NCKAP5: variants seen among roughly 807,000 people sequenced by gnomAD.
NCKAP5 encodes NCK associated protein 5.
Under a neutral mutation model 167.0 loss-of-function variants are expected in NCKAP5, and 92 were observed. The ratio of observed to expected loss-of-function variants is 0.55; its 90% CI spans 0.47 to 0.66. NCKAP5 has a LOEUF of 0.66. NCKAP5 is among the 30% of genes least tolerant of loss of function. The pLI is 0.00. For synonymous variants in NCKAP5, 891 were observed against 877.4 expected (o/e 1.02, Z -0.27); for missense variants, 2,378 against 2,315.0 (o/e 1.03, Z -0.56).
intron 4 of NCKAP5, among the ~76,000 whole-genome samples, chr2:133,248,685 A>C (rs2088136658): frequency 6.6e-6 from 1 of 152,234 alleles, no homozygotes; most frequent in African/African-American, 2.4e-5. Context: ...GCTGCACTGC[A>C]GCTTTTAAAT....
intron 7 of NCKAP5, among the ~76,000 whole-genome samples, chr2:132,983,150 T>G (rs1401589420): frequency 6.6e-6 from 1 of 152,194 alleles, no homozygotes; most frequent in Non-Finnish European, 1.5e-5. Context: ...TTTTTGTACA[T>G]TGATTTCATA....
At chr2:133,303,610 C>T (rs1680562479) in intron 3 of NCKAP5, among the ~76,000 whole-genome samples, 1 of 151,996 alleles carries the variant, frequency 6.6e-6, no homozygotes, top group Non-Finnish European at 1.5e-5. Flanking sequence ...TTTTCTTCAA[C>T]TCCATATATA....
intron 5 of NCKAP5, among the ~76,000 whole-genome samples, chr2:133,160,228 G>A (rs1249165789): frequency 6.6e-6 from 1 of 152,050 alleles, no homozygotes; most frequent in East Asian, 1.9e-4. Context: ...AGTAGGGAAG[G>A]ATCTGCTCCA....
chr2:133,562,174 G>A (rs1036899969), intron 1 of NCKAP5, among the ~76,000 whole-genome samples: 1 of 151,748 alleles, frequency 6.6e-6, no homozygotes, highest in Non-Finnish European at 1.5e-5. Context: ...AAATGGGGTA[G>A]AGAGGGTGGC....
intron 6 of NCKAP5, among the ~76,000 whole-genome samples, chr2:133,042,603 A>G (rs2079251710): frequency 6.6e-6 from 1 of 152,212 alleles, no homozygotes; most frequent in Non-Finnish European, 1.5e-5. Flanking sequence ...CAAAATTTGT[A>G]TTCATAATAG....
chr2:132,728,155 C>T (rs1218722888), intron 18 of NCKAP5, among the ~76,000 whole-genome samples: 1 of 152,064 alleles, frequency 6.6e-6, no homozygotes, highest in Non-Finnish European at 1.5e-5. Context: ...GGTGAAATGG[C>T]AAATAGGCTG....
intron 3 of NCKAP5, among the ~76,000 whole-genome samples, chr2:133,393,818 T>C (rs78227229): frequency 0.036 from 5,478 of 152,280 alleles, 312 homozygotes; most frequent in African/African-American, 0.12. Flanking sequence ...CTTGGTGCCA[T>C]ATGTATTAGG....
intron 8 of NCKAP5, among the ~76,000 whole-genome samples, chr2:132,895,205 C>T (rs914753960): frequency 1.3e-5 from 2 of 151,758 alleles, no homozygotes; most frequent in Non-Finnish European, 2.9e-5. Context: ...GTGGCGGGCG[C>T]CTGTAGTCCC....
the NCKAP5 span, among the ~76,000 whole-genome samples, chr2:133,600,170 G>A: frequency 3.3e-5 from 5 of 152,238 alleles, no homozygotes; most frequent in East Asian, 1.9e-4. Flanking sequence ...GTTTGCCATC[G>A]TTGAATAACA....
the NCKAP5 span, among the ~76,000 whole-genome samples, chr2:133,615,227 A>G: frequency 6.6e-6 from 1 of 152,170 alleles, no homozygotes; most frequent in Non-Finnish European, 1.5e-5. Flanking sequence ...GAGGTTAGGA[A>G]GAAACTGCAT....
the NCKAP5 span, among the ~76,000 whole-genome samples, chr2:133,615,930 A>G: frequency 2.0e-4 from 31 of 151,478 alleles, no homozygotes; most frequent in Middle Eastern, 6.8e-3. Context: ...ATGTAAAAGA[A>G]CAGAAATTAT....
intron 3 of NCKAP5, among the ~76,000 whole-genome samples, chr2:133,471,366 A>C (rs114388504): frequency 4.6e-4 from 64 of 140,644 alleles, no homozygotes; most frequent in Non-Finnish European, 6.9e-4. Flanking sequence ...TGCCACTAGC[A>C]ACTTGTCTTT....
At chr2:132,789,370 G>A (rs1012379646) in intron 13 of NCKAP5, among the ~76,000 whole-genome samples, 3 of 152,172 alleles carry the variant, frequency 2.0e-5, no homozygotes, top group Admixed American at 6.5e-5. Flanking sequence ...TGCATTGGAA[G>A]TCTGAGTCCC....
At position 133,208,985 on chromosome 2, in the gene NCKAP5, C is replaced by T. The variant is rs72846304; in HGVS notation, c.207+4731G>A. ...GGCTGCACTGTTCATTAAATGATGT[C>T]GAAAAATTAGCTATTAATTTGGGGA... On this transcript the variant is annotated intron_variant, in intron 5 of 19. Coordinates refer to ENST00000409261, the MANE Select transcript of NCKAP5 (RefSeq NM_207363.3). Among the ~76,000 whole-genome samples the T allele has an allele frequency of 5.6e-3, 850 of 151,994 alleles. 3 individuals are homozygous for T. Among genetic ancestry groups the T allele is most frequent in the Non-Finnish European group, 0.01 (693 of 67,974 alleles).
intron 6 of NCKAP5, among the ~76,000 whole-genome samples, chr2:133,039,455 C>T (rs756685104): frequency 7.2e-5 from 11 of 152,074 alleles, no homozygotes; most frequent in Non-Finnish European, 1.2e-4. Context: ...CTTAAATTTC[C>T]TTTTAGGATC....
chr2:133,130,656 C>G (rs2082567908), intron 5 of NCKAP5, among the ~76,000 whole-genome samples: 2 of 152,276 alleles, frequency 1.3e-5, no homozygotes, highest in South Asian at 4.1e-4. Flanking sequence ...AAGCCACCCA[C>G]TGTTTTTATA....
chr2:133,541,883 TG>T (rs1686254978), intron 2 of NCKAP5, among the ~76,000 whole-genome samples: 1 of 152,088 alleles, frequency 6.6e-6, no homozygotes, highest in Non-Finnish European at 1.5e-5. Context: ...AAAACTAGGC[TG>T]AGGAGGAAGC....
intron 3 of NCKAP5, among the ~76,000 whole-genome samples, chr2:133,458,894 A>C (rs1427859250): frequency 1.3e-5 from 2 of 152,222 alleles, no homozygotes; most frequent in Non-Finnish European, 2.9e-5. Context: ...TTTCATCTGC[A>C]TGTAGACAGA....
chr2:133,362,193 T>G (rs2150871841), intron 3 of NCKAP5, among the ~76,000 whole-genome samples: 1 of 152,350 alleles, frequency 6.6e-6, no homozygotes, highest in East Asian at 1.9e-4. Flanking sequence ...GCAGAACCAT[T>G]CAACTTCTAT....
Sources: allele counts gnomAD v4.1 joint callset (sites outside exome capture counted in the v4.1 genomes callset), GRCh38; gene constraint gnomAD v4.1.1; transcripts MANE v1.5; gene names NCBI Gene and HGNC (gene_info 2026-07-23, HGNC 2026-07-21).